ANO10: variants seen among roughly 807,000 people sequenced by gnomAD.
ANO10 encodes the protein anoctamin 10.
A neutral mutation model predicts 74.7 loss-of-function variants in ANO10; 77 were observed. The ratio of observed to expected loss-of-function variants is 1.03; its 90% CI spans 0.86 to 1.25. ANO10 has a LOEUF of 1.25. Among genes scored for constraint, ANO10 ranks in the 50% most tolerant of loss-of-function variants. ANO10 has a pLI of 0.00. For missense variants in ANO10, 721 were observed against 778.1 expected (o/e 0.93, Z 0.87); for synonymous variants, 279 against 284.9 (o/e 0.98, Z 0.21).
At chr3:43,508,063 G>C (rs1393738789) in intron 11 of ANO10, among the ~76,000 whole-genome samples, 1 of 151,872 alleles carries the variant, frequency 6.6e-6, no homozygotes, top group African/African-American at 2.4e-5. Flanking sequence ...TTGCTGAAGA[G>C]GGAGTAAAAG....
chr3:43,545,527 G>A (rs937138227), intron 11 of ANO10, among the ~76,000 whole-genome samples: 10 of 151,942 alleles, frequency 6.6e-5, no homozygotes, highest in African/African-American at 1.9e-4. Flanking sequence ...CACCATGCCC[G>A]GCTAATTTTT....
intron 1 of ANO10, among the ~76,000 whole-genome samples, chr3:43,675,806 A>C (rs1303498827): frequency 6.6e-6 from 1 of 152,210 alleles, no homozygotes; most frequent in East Asian, 1.9e-4. Flanking sequence ...AACTAGGTTG[A>C]TCACACTTTG....
At chr3:43,486,252 C>G (rs926751977) in intron 11 of ANO10, among the ~76,000 whole-genome samples, 18 of 152,282 alleles carry the variant, frequency 1.2e-4, no homozygotes, top group African/African-American at 4.3e-4. Flanking sequence ...AGTCAAGCCT[C>G]CTTTATTCTC....
chr3:43,419,350 G>A (rs545441577), intron 12 of ANO10, among the ~76,000 whole-genome samples: 3 of 152,308 alleles, frequency 2.0e-5, no homozygotes, highest in African/African-American at 7.2e-5. Context: ...GTAGAACATC[G>A]TAGAAGCTGA....
chr3:43,470,692 T>C (rs2075823430), intron 11 of ANO10, among the ~76,000 whole-genome samples: 1 of 151,958 alleles, frequency 6.6e-6, no homozygotes, highest in Non-Finnish European at 1.5e-5. Context: ...AGTAATGCAA[T>C]CTTGGCATAT....
At chr3:43,401,170 C>T (rs1362669558) in intron 12 of ANO10, among the ~76,000 whole-genome samples, 4 of 152,196 alleles carry the variant, frequency 2.6e-5, no homozygotes, top group East Asian at 3.9e-4. Flanking sequence ...ATTTTTATTT[C>T]CTGTATCTTT....
intron 1 of ANO10, among the ~76,000 whole-genome samples, chr3:43,628,455 C>A (rs1391792315): frequency 6.6e-6 from 1 of 152,032 alleles, no homozygotes; most frequent in African/African-American, 2.4e-5. Flanking sequence ...GTGATAATTG[C>A]CTTAACTGCA....
At chr3:43,524,947 C>A (rs548423999) in intron 11 of ANO10, among the ~76,000 whole-genome samples, 112 of 152,310 alleles carry the variant, frequency 7.4e-4, no homozygotes, top group African/African-American at 8.7e-4. Flanking sequence ...AGAACCACTG[C>A]AGTTACCACC....
chr3:43,523,396 A>T (rs1024047349), intron 11 of ANO10, among the ~76,000 whole-genome samples: 4 of 152,196 alleles, frequency 2.6e-5, no homozygotes, highest in African/African-American at 7.2e-5. Flanking sequence ...TTAAGGAAGG[A>T]GTAAGATCAG....
intron 1 of ANO10, among the ~76,000 whole-genome samples, chr3:43,656,691 G>A (rs1053923550): frequency 9.2e-5 from 14 of 152,222 alleles, no homozygotes; most frequent in Admixed American, 2.0e-4. Context: ...CTCATTGCCC[G>A]GGGCAGCAGG....
At chr3:43,370,937 A>T (rs969123251) in intron 12 of ANO10, among the ~76,000 whole-genome samples, 1 of 152,160 alleles carries the variant, frequency 6.6e-6, no homozygotes, top group African/African-American at 2.4e-5. Context: ...ACAGACCTGG[A>T]ATGGCCATGG....
chr3:43,628,993 G>A (rs771618925), intron 1 of ANO10, among the ~76,000 whole-genome samples: 10 of 152,122 alleles, frequency 6.6e-5, no homozygotes, highest in East Asian at 1.9e-4. Flanking sequence ...TGTGAAGTAC[G>A]TGATCTCTGT....
intron 1 of ANO10, among the ~76,000 whole-genome samples, chr3:43,686,962 C>G (rs1210841998): frequency 6.6e-6 from 1 of 151,700 alleles, no homozygotes; most frequent in Non-Finnish European, 1.5e-5. Context: ...CCACAGAAGT[C>G]TGCATGCAAA....
At chr3:43,409,207 G>A (rs2092625667) in intron 12 of ANO10, among the ~76,000 whole-genome samples, 1 of 152,052 alleles carries the variant, frequency 6.6e-6, no homozygotes. Flanking sequence ...AGCATTCATG[G>A]AGCAGAAATG....
intron 1 of ANO10, among the ~76,000 whole-genome samples, chr3:43,671,042 G>C (rs2084053201): frequency 6.6e-6 from 1 of 152,148 alleles, no homozygotes; most frequent in South Asian, 2.1e-4. Flanking sequence ...ATAATTGTTG[G>C]TAAGTAATAG....
At chr3:43,567,066 TG>T (rs1453392888) in intron 7 of ANO10, among the ~76,000 whole-genome samples, 1 of 152,114 alleles carries the variant, frequency 6.6e-6, no homozygotes, top group East Asian at 1.9e-4. Flanking sequence ...TGCAATCAAC[TG>T]GAAGAAAGGG....
intron 4 of ANO10, among the ~76,000 whole-genome samples, chr3:43,582,045 G>A: frequency 6.6e-6 from 1 of 152,154 alleles, no homozygotes; most frequent in East Asian, 1.9e-4. Context: ...TCTTCAGAGA[G>A]CTACCTCTCT....
intron 11 of ANO10, among the ~76,000 whole-genome samples, chr3:43,481,770 G>A (rs916434390): frequency 3.3e-5 from 5 of 152,198 alleles, no homozygotes; most frequent in African/African-American, 1.2e-4. Flanking sequence ...CCAATTGCCA[G>A]TCAGAAAATC....
At chr3:43,432,584 A>G in intron 12 of ANO10, 27 bp downstream of exon 12, 2 of 1,510,426 alleles carry the variant, frequency 1.3e-6, no homozygotes, top group South Asian at 1.1e-5. Context: ...AAAGCAATAC[A>G]TACATTTTCA....
Sources: gnomAD v4.1 joint callset for allele counts (sites outside exome capture counted in the v4.1 genomes callset) on GRCh38, gnomAD v4.1.1 for gene constraint, MANE v1.5 for transcripts, NCBI Gene and HGNC (gene_info 2026-07-23, HGNC 2026-07-21) for gene names.